Variants in PPP2R2C observed in about 807,000 individuals in gnomAD.
PPP2R2C encodes protein phosphatase 2 regulatory subunit Bgamma, also known as protein phosphatase 2, regulatory subunit B, gamma.
PPP2R2C carries 10 observed loss-of-function variants against 45.3 expected under a neutral mutation model. The observed-to-expected ratio is 0.22, with a 90% CI of 0.14 to 0.37. PPP2R2C has a LOEUF of 0.37. PPP2R2C is among the 10% of genes least tolerant of loss of function. The pLI is 1.00. For synonymous variants in PPP2R2C, 257 were observed against 245.4 expected, an observed-to-expected ratio of 1.05 and a Z score of -0.44; for missense variants, 308 against 619.7, an observed-to-expected ratio of 0.50 and a Z score of 5.34.
At chr4:6,427,089 A>G (rs1332514817) in intron 1 of PPP2R2C, among the ~76,000 whole-genome samples, 3 of 152,210 alleles carry the variant, frequency 2.0e-5, no homozygotes, top group Non-Finnish European at 4.4e-5. Context: ...CCATGTGCCA[A>G]TGTGTACCAA....
At chr4:6,427,987 G>T (rs752200177) in intron 1 of PPP2R2C, among the ~76,000 whole-genome samples, 3 of 152,182 alleles carry the variant, frequency 2.0e-5, no homozygotes, top group Non-Finnish European at 4.4e-5. Context: ...ATGAGGGAAC[G>T]AGCTAGACAG....
At chr4:6,450,887 T>C (rs1720702657) in intron 1 of PPP2R2C, among the ~76,000 whole-genome samples, 1 of 152,118 alleles carries the variant, frequency 6.6e-6, no homozygotes, top group African/African-American at 2.4e-5. Flanking sequence ...GGGAAGCCGC[T>C]GTGCCCTTCC....
chr4:6,362,862 T>C (rs1157806227), intron 5 of PPP2R2C, among the ~76,000 whole-genome samples: 1 of 133,612 alleles, frequency 7.5e-6, no homozygotes, highest in South Asian at 2.7e-4. Flanking sequence ...ATCCCAGCCC[T>C]GGCACCCCCT....
intron 1 of PPP2R2C, among the ~76,000 whole-genome samples, chr4:6,403,377 CT>C (rs1717564335): frequency 6.6e-6 from 1 of 152,150 alleles, no homozygotes; most frequent in Admixed American, 6.5e-5. Context: ...TTCCTGCCCC[CT>C]AGGTGTTTTT....
At chr4:6,392,171 T>G (rs1716689760) in intron 1 of PPP2R2C, among the ~76,000 whole-genome samples, 1 of 152,208 alleles carries the variant, frequency 6.6e-6, no homozygotes, top group East Asian at 1.9e-4. Flanking sequence ...TGACATTGAT[T>G]GTACATTTAA....
intron 1 of PPP2R2C, among the ~76,000 whole-genome samples, chr4:6,460,668 C>A (rs773218063): frequency 6.6e-6 from 1 of 152,094 alleles, no homozygotes. Context: ...AGTATGTATA[C>A]CCATAGGCAA....
At chr4:6,554,918 GGAAGGAAGGAAGGAAAGAAAGAAAGAAA>G (rs1397752898) in intron 1 of PPP2R2C, among the ~76,000 whole-genome samples, 1,810 of 90,672 alleles carry the variant, frequency 0.02, 19 homozygotes, top group Non-Finnish European at 0.028. Flanking sequence ...AAGGAAGGAA[GGAAGGAAGGAAGGAAAGAAAGAAAGAAA>G]GAAAGAAAGA....
intron 5 of PPP2R2C, among the ~76,000 whole-genome samples, chr4:6,358,099 C>T (rs1013269244): frequency 6.6e-6 from 1 of 152,122 alleles, no homozygotes; most frequent in Non-Finnish European, 1.5e-5. Context: ...TACAAAGCTA[C>T]AGTAACCAAA....
intron 1 of PPP2R2C, among the ~76,000 whole-genome samples, chr4:6,396,077 C>A (rs1717012862): frequency 1.3e-5 from 2 of 152,348 alleles, no homozygotes; most frequent in African/African-American, 2.4e-5. Flanking sequence ...TGTGTGCGAA[C>A]CCTCGCGGCA....
chr4:6,335,001 C>A (rs1577074154), intron 6 of PPP2R2C, among the ~76,000 whole-genome samples: 1 of 152,220 alleles, frequency 6.6e-6, no homozygotes, highest in Non-Finnish European at 1.5e-5. Context: ...TACCTGGCCA[C>A]TGCCTCTCCA....
chr4:6,515,636 A>T (rs1290488352), intron 2 of PPP2R2C, among the ~76,000 whole-genome samples: 1 of 152,236 alleles, frequency 6.6e-6, no homozygotes, highest in Non-Finnish European at 1.5e-5. Context: ...AATTTTAACT[A>T]TCATCTAATC....
intron 1 of PPP2R2C, among the ~76,000 whole-genome samples, chr4:6,548,318 C>A (rs966579127): frequency 6.6e-6 from 1 of 152,320 alleles, no homozygotes; most frequent in African/African-American, 2.4e-5. Context: ...CCCGGTCCCC[C>A]ACTGGTGGAA....
intron 1 of PPP2R2C, among the ~76,000 whole-genome samples, chr4:6,407,443 T>C (rs924736560): frequency 6.6e-5 from 10 of 152,358 alleles, no homozygotes; most frequent in Admixed American, 3.9e-4. Flanking sequence ...CTGCCCAGGC[T>C]GGAGTGCGGT....
Position 6,327,900 on chromosome 4 carries a change from A to G in PPP2R2C, c.1052+1362T>C, listed in dbSNP as rs570238263. On this transcript the variant is annotated intron_variant, in intron 8 of 8. Coordinates refer to ENST00000382599, the MANE Select transcript of PPP2R2C (RefSeq NM_020416.4). Reference sequence around the variant, plus strand: ...TCAGAAATCTCCTTCCCTGGACACAATGACTTGGCCCCCCACTTGGATCCA... The same window carrying G: ...TCAGAAATCTCCTTCCCTGGACACAGTGACTTGGCCCCCCACTTGGATCCA... Among the ~76,000 whole-genome samples the G allele has an allele frequency of 2.2e-4, 34 of 152,216 alleles. No individual in the cohort carries two copies. In the South Asian group the frequency reaches 7.1e-3, roughly 32 times the overall value.
At chr4:6,351,148 T>C in intron 5 of PPP2R2C, 1 of 621,344 alleles carries the variant, frequency 1.6e-6, no homozygotes, top group Non-Finnish European at 2.0e-6. Flanking sequence ...CTACTAAAAA[T>C]AAAAAATAAA....
At chr4:6,387,184 TA>T (rs377045832) in intron 1 of PPP2R2C, among the ~76,000 whole-genome samples, 2,949 of 151,906 alleles carry the variant, frequency 0.019, 82 homozygotes, top group African/African-American at 0.061. Context: ...AAAGAACACA[TA>T]AAAAAATAAT....
At chr4:6,544,490 G>T (rs1052297182) in intron 1 of PPP2R2C, among the ~76,000 whole-genome samples, 3 of 151,956 alleles carry the variant, frequency 2.0e-5, no homozygotes, top group Non-Finnish European at 4.4e-5. Flanking sequence ...TTAGAGGTGT[G>T]GGCCACCATG....
chr4:6,338,229 C>A (rs1029570934), intron 6 of PPP2R2C, among the ~76,000 whole-genome samples: 2 of 152,344 alleles, frequency 1.3e-5, no homozygotes, highest in East Asian at 3.9e-4. Flanking sequence ...CCCCCACACC[C>A]TAATTATTTA....
intron 1 of PPP2R2C, among the ~76,000 whole-genome samples, chr4:6,434,714 T>C (rs543665156): frequency 2.6e-5 from 4 of 152,334 alleles, no homozygotes; most frequent in African/African-American, 9.6e-5. Context: ...ATAGCCATGT[T>C]TCTGAGAGTT....
Sources: allele counts gnomAD v4.1 joint callset (sites outside exome capture counted in the v4.1 genomes callset), GRCh38; gene constraint gnomAD v4.1.1; transcripts MANE v1.5; gene names NCBI Gene and HGNC (gene_info 2026-07-23, HGNC 2026-07-21).